CDH13: variants seen among roughly 807,000 people sequenced by gnomAD.
The protein encoded by CDH13 is cadherin-13.
In CDH13, 24 loss-of-function variants were observed where a neutral mutation model predicts 63.8. That is an observed-to-expected ratio of 0.38 (90% CI 0.27 to 0.53). CDH13 has a LOEUF of 0.53. Among genes scored for constraint, CDH13 ranks in the 20% least tolerant of loss-of-function variants. The pLI is 0.85. For missense variants in CDH13, 1,049 were observed against 903.1 expected (o/e 1.16, Z -2.07); for synonymous variants, 503 against 355.3 (o/e 1.42, Z -4.67).
At chr16:83,668,902 A>C (rs1914247272) in intron 8 of CDH13, among the ~76,000 whole-genome samples, 2 of 152,178 alleles carry the variant, frequency 1.3e-5, no homozygotes, top group South Asian at 2.1e-4. Flanking sequence ...GCCCAGATGT[A>C]CTGCAGGCCT....
chr16:83,462,323 G>A (rs1356959631), intron 6 of CDH13, among the ~76,000 whole-genome samples: 4 of 152,226 alleles, frequency 2.6e-5, no homozygotes, highest in Non-Finnish European at 5.9e-5. Flanking sequence ...TTCACAACTT[G>A]AGATTGAATC....
At chr16:82,928,857 C>T (rs923485369) in intron 2 of CDH13, among the ~76,000 whole-genome samples, 9 of 152,176 alleles carry the variant, frequency 5.9e-5, no homozygotes, top group Non-Finnish European at 1.3e-4. Context: ...AAACACTTAG[C>T]CTCTTTTCTT....
In CDH13 at chr16:83,678,245, T is replaced by G. The variant is rs773183679; in HGVS notation, c.1322T>G (p.Leu441Arg). ...GAAATTTCTGCCTTCCACACCCTGC[T>G]GATCAAAGTGGAAAATGAAGACCCA... ...DYEISAFHTL[L>R]IKVENEDPLV... Residue 441 changes from leucine to arginine, a missense_variant, in exon 10 of 14, where the codon CTG becomes CGG. Physicochemically the swap from Leu to Arg is moderately radical, Grantham distance 102. Transcript: ENST00000567109. The G allele has an allele frequency of 1.2e-6, 2 of 1,613,860 alleles. No homozygotes were observed. Among genetic ancestry groups the G allele is most frequent in the Non-Finnish European group, 1.7e-6 (2 of 1,179,836 alleles).
intron 1 of CDH13, among the ~76,000 whole-genome samples, chr16:82,718,402 G>A (rs529451087): frequency 2.6e-5 from 4 of 152,074 alleles, no homozygotes; most frequent in African/African-American, 9.7e-5. Flanking sequence ...AGATTTCCCC[G>A]GGCAGGTGAC....
chr16:83,405,246 A>T (rs1476321946), intron 6 of CDH13, among the ~76,000 whole-genome samples: 1 of 152,188 alleles, frequency 6.6e-6, no homozygotes, highest in East Asian at 1.9e-4. Flanking sequence ...TTGTAGGCTG[A>T]AAAAAGCTTA....
chr16:83,774,054 C>T (rs1028043494), intron 11 of CDH13, among the ~76,000 whole-genome samples: 1 of 152,090 alleles, frequency 6.6e-6, no homozygotes, highest in Non-Finnish European at 1.5e-5. Context: ...GCCCAGCCCC[C>T]TGCTGTTATC....
chr16:83,357,090 G>A (rs977108848), intron 6 of CDH13, among the ~76,000 whole-genome samples: 1 of 152,078 alleles, frequency 6.6e-6, no homozygotes, highest in African/African-American at 2.4e-5. Context: ...TGTTTCTATA[G>A]TCAAGCTCTG....
intron 1 of CDH13, among the ~76,000 whole-genome samples, chr16:82,765,064 C>T (rs543973279): frequency 6.6e-6 from 1 of 152,294 alleles, no homozygotes; most frequent in Non-Finnish European, 1.5e-5. Context: ...GATCTGCCTA[C>T]CTTGGCCTCC....
chr16:83,762,834 C>G (rs1294242652), intron 11 of CDH13, among the ~76,000 whole-genome samples: 1 of 152,126 alleles, frequency 6.6e-6, no homozygotes, highest in East Asian at 1.9e-4. Context: ...CTCTTATGCT[C>G]TCACAGAAGA....
chr16:83,054,912 A>G (rs568102111), intron 3 of CDH13, among the ~76,000 whole-genome samples: 2 of 152,258 alleles, frequency 1.3e-5, no homozygotes, highest in Admixed American at 6.5e-5. Context: ...GTTCACGTGG[A>G]ATACTTATCA....
chr16:83,172,351 C>T (rs1178005504), intron 4 of CDH13, among the ~76,000 whole-genome samples: 1 of 151,942 alleles, frequency 6.6e-6, no homozygotes, highest in Non-Finnish European at 1.5e-5. Flanking sequence ...TTTAGCCAGG[C>T]GTAGTGGTGC....
At chr16:82,868,981 C>A (rs2040250916) in intron 2 of CDH13, among the ~76,000 whole-genome samples, 1 of 152,168 alleles carries the variant, frequency 6.6e-6, no homozygotes. Flanking sequence ...ATAATGGCAG[C>A]AATCTCAACA....
chr16:82,673,019 T>TTTTTTTTTTTTTTTTG (rs59558350), intron 1 of CDH13, among the ~76,000 whole-genome samples: 1 of 145,372 alleles, frequency 6.9e-6, no homozygotes, highest in African/African-American at 2.6e-5. Context: ...TTTTTTTTTT[T>TTTTTTTTTTTTTTTTG]GTAGAGATGA....
intron 2 of CDH13, among the ~76,000 whole-genome samples, chr16:82,889,580 G>T (rs539312923): frequency 6.6e-6 from 1 of 152,136 alleles, no homozygotes; most frequent in Non-Finnish European, 1.5e-5. Context: ...CATGTATCTG[G>T]TTTATAGTAT....
chr16:83,365,553 C>T (rs1205363448), intron 6 of CDH13, among the ~76,000 whole-genome samples: 1 of 152,172 alleles, frequency 6.6e-6, no homozygotes, highest in Non-Finnish European at 1.5e-5. Flanking sequence ...GGCATTACTC[C>T]TGCAGTTATG....
chr16:83,311,956 C>G (rs911170050), intron 5 of CDH13, among the ~76,000 whole-genome samples: 4 of 151,890 alleles, frequency 2.6e-5, no homozygotes, highest in African/African-American at 9.7e-5. Context: ...TGCCTGTAAT[C>G]CCAGCTCTCG....
chr16:83,138,740 G>T (rs1477269778), intron 4 of CDH13, among the ~76,000 whole-genome samples: 1 of 152,144 alleles, frequency 6.6e-6, no homozygotes, highest in Non-Finnish European at 1.5e-5. Flanking sequence ...GTCCTGTTAC[G>T]CTGGGTAACA....
intron 6 of CDH13, among the ~76,000 whole-genome samples, chr16:83,409,549 T>C (rs1597954271): frequency 6.6e-6 from 1 of 152,256 alleles, no homozygotes; most frequent in South Asian, 2.1e-4. Context: ...CTCAGACCTC[T>C]GTCAATACTG....
intron 5 of CDH13, among the ~76,000 whole-genome samples, chr16:83,241,821 C>A (rs1028876217): frequency 6.6e-6 from 1 of 152,188 alleles, no homozygotes; most frequent in Non-Finnish European, 1.5e-5. Flanking sequence ...CTTTGATGAG[C>A]ATAAGTTTTT....
Sources: gnomAD v4.1 joint callset for allele counts (sites outside exome capture counted in the v4.1 genomes callset) on GRCh38, gnomAD v4.1.1 for gene constraint, MANE v1.5 for transcripts, NCBI Gene and HGNC (gene_info 2026-07-23, HGNC 2026-07-21) for gene names.